The following SEC24A variants were observed in gnomAD, a reference collection of about 807,000 sequenced individuals.
SEC24A encodes protein transport protein Sec24A.
SEC24A carries 93 observed loss-of-function variants against 129.4 expected under a neutral mutation model. That is an observed-to-expected ratio of 0.72 (90% CI 0.61 to 0.85). The LOEUF (loss-of-function observed/expected upper bound fraction) is 0.85, where lower values mean the gene tolerates loss of function less well. Ranked by LOEUF, SEC24A falls within the 40% of genes least tolerant of loss-of-function variation. SEC24A has a pLI of 0.00. For missense variants in SEC24A, 1,264 were observed against 1,307.4 expected (o/e 0.97, Z 0.51); for synonymous variants, 460 against 467.3 (o/e 0.98, Z 0.20).
chr5:134,657,681 A>T (rs546543280), intron 1 of SEC24A, among the ~76,000 whole-genome samples: 66 of 152,130 alleles, frequency 4.3e-4, no homozygotes, highest in Admixed American at 1.1e-3. Context: ...GGTTCAAGTG[A>T]TCCTCCCGCC....
At chr5:134,662,345 G>A (rs990770730) in intron 2 of SEC24A, among the ~76,000 whole-genome samples, 97 of 151,950 alleles carry the variant, frequency 6.4e-4, no homozygotes, top group African/African-American at 2.2e-3. Context: ...TAGTAGAGAC[G>A]GGGTTTCACC....
intron 8 of SEC24A, among the ~76,000 whole-genome samples, chr5:134,680,685 C>G (rs1339053274): frequency 6.6e-6 from 1 of 151,850 alleles, no homozygotes; most frequent in Non-Finnish European, 1.5e-5. Context: ...GCTCTGTCGC[C>G]AGGCTGGAGT....
In SEC24A at chr5:134,649,143, G is replaced by T. The variant is rs369424682; in HGVS notation, c.67G>T (p.Ala23Ser). 6.2e-7 allele frequency: 1 copy of T among 1,609,466 alleles called. No individual in the cohort carries two copies. The highest frequency in any genetic ancestry group is 8.5e-7 in the Non-Finnish European group (1 of 1,178,132). Residue 23 changes from alanine (A) to serine (S), a missense_variant, in exon 1 of 23, where the codon GCC becomes TCC. By Grantham distance (99) the Ala-to-Ser change is moderately conservative (BLOSUM62 1). Transcript: ENST00000398844. The part of the protein sequence containing the change: ...PASLQAQNGA[A>S]LASGSPYTNG... ...CAGCCTCCAGGCCCAGAACGGAGCC[G>T]CCTTGGCCTCGGGGTCTCCCTACAC...
intron 11 of SEC24A, among the ~76,000 whole-genome samples, chr5:134,690,565 T>G (rs1180954339): frequency 6.6e-6 from 1 of 152,216 alleles, no homozygotes; most frequent in Non-Finnish European, 1.5e-5. Flanking sequence ...TCCTTTCGCC[T>G]CATCCTCCCA....
chr5:134,698,243 G>A (rs1751889127), intron 15 of SEC24A, among the ~76,000 whole-genome samples, 186 bp downstream of exon 15: 1 of 152,104 alleles, frequency 6.6e-6, no homozygotes, highest in African/African-American at 2.4e-5. Context: ...ATACTCAAAA[G>A]CACTGACTTA....
intron 20 of SEC24A, among the ~76,000 whole-genome samples, chr5:134,719,801 C>A (rs991396651): frequency 6.6e-6 from 1 of 152,118 alleles, no homozygotes; most frequent in Non-Finnish European, 1.5e-5. Flanking sequence ...GCCTGACCAA[C>A]GTGGAGAAAC....
intron 13 of SEC24A, among the ~76,000 whole-genome samples, chr5:134,694,384 G>A (rs1261596397): frequency 6.6e-6 from 1 of 152,146 alleles, no homozygotes; most frequent in Non-Finnish European, 1.5e-5. Flanking sequence ...AATTGGCTGG[G>A]CGCGGTGGCT....
At chr5:134,680,365 C>A (rs1156642235) in intron 8 of SEC24A, among the ~76,000 whole-genome samples, 1 of 152,174 alleles carries the variant, frequency 6.6e-6, no homozygotes, top group Non-Finnish European at 1.5e-5. Flanking sequence ...TGGAGTCTCA[C>A]TCTGTTGCCC....
chr5:134,707,006 A>T (rs1407202032), intron 17 of SEC24A, among the ~76,000 whole-genome samples: 1 of 151,780 alleles, frequency 6.6e-6, no homozygotes, highest in African/African-American at 2.4e-5. Context: ...AGCTAACTTT[A>T]AAAAAAATTT....
At chr5:134,649,343 C>A in intron 1 of SEC24A, 170 bp downstream of exon 1, 1 of 484,944 alleles carries the variant, frequency 2.1e-6, no homozygotes, top group South Asian at 3.0e-5. Context: ...CACCTGTAGC[C>A]CCAGGCTCGT....
chr5:134,677,142 G>A (rs1751093086), intron 7 of SEC24A, among the ~76,000 whole-genome samples: 1 of 152,050 alleles, frequency 6.6e-6, no homozygotes, highest in Non-Finnish European at 1.5e-5. Context: ...CACTTTTGGA[G>A]GCCAAGGTGG....
intron 18 of SEC24A, among the ~76,000 whole-genome samples, chr5:134,713,088 T>A (rs1752378327): frequency 6.6e-6 from 1 of 150,954 alleles, no homozygotes; most frequent in South Asian, 2.1e-4. Context: ...CCCACCACAA[T>A]GCCCGGCTAA....
rs1392456579 is a variant in SEC24A at position 134,692,615 on chromosome 5, T to G, written c.1737T>G (p.Pro579=). Reference sequence around the variant, plus strand: ...TTCTTCTTTCAGATGTTTTTATACCTATGCCAGAGAACTTATTAGTAAACT... The same window carrying G: ...TTCTTCTTTCAGATGTTTTTATACCGATGCCAGAGAACTTATTAGTAAACT... The part of the protein sequence containing the change: ...IVSDIEDVFI[P]MPENLLVNLN... The change falls in exon 12 of 23, where the codon CCT becomes CCG. Residue 579 remains proline (P), a synonymous_variant. Coordinates refer to ENST00000398844, the MANE Select transcript of SEC24A (RefSeq NM_021982.3). 1 of 1,390,890 alleles carries G rather than the reference T, an allele frequency of 7.2e-7. No homozygotes were observed. Among genetic ancestry groups the G allele is most frequent in the Non-Finnish European group, 1.0e-6 (1 of 984,010 alleles). The allele number at this position is 1,390,890 out of a possible 1,614,324, so 86.2% of individuals were successfully genotyped here.
chr5:134,687,502 G>A (rs1345216060), intron 10 of SEC24A, among the ~76,000 whole-genome samples: 1 of 152,182 alleles, frequency 6.6e-6, no homozygotes, highest in Non-Finnish European at 1.5e-5. Context: ...CAAAGCTAAT[G>A]TGACCTTTCT....
chr5:134,698,766 G>A (rs1042418309), intron 15 of SEC24A, among the ~76,000 whole-genome samples: 3 of 151,164 alleles, frequency 2.0e-5, no homozygotes, highest in African/African-American at 7.3e-5. Flanking sequence ...CCGAGTAGCT[G>A]GGATTATAGG....
At chr5:134,667,102 T>G (rs1397067096) in intron 3 of SEC24A, 106 bp downstream of exon 3, 1 of 1,067,952 alleles carries the variant, frequency 9.4e-7, no homozygotes, top group African/African-American at 1.7e-5. Flanking sequence ...TTCCAGAAAA[T>G]CTAGTTTTGG....
chr5:134,716,018 T>C (rs1032797958), intron 19 of SEC24A, among the ~76,000 whole-genome samples: 35 of 152,150 alleles, frequency 2.3e-4, no homozygotes, highest in Admixed American at 8.5e-4. Context: ...GTCCTTGAAT[T>C]AAAGAAAAAA....
chr5:134,708,567 G>GAAAA, intron 17 of SEC24A, 146 bp from the exon 18 acceptor site: 1 of 665,056 alleles, frequency 1.5e-6, no homozygotes, highest in African/African-American at 1.9e-5. Flanking sequence ...CATGCTTTTA[G>GAAAA]CTGCTGTGTT....
Position 134,656,402 on chromosome 5 carries a change from A to G in SEC24A, c.98-4717A>G, listed in dbSNP as rs530995219. On this transcript the variant is annotated intron_variant, in intron 1 of 22. Transcript: ENST00000398844. ...GCAGATAAATATCTTTATACTGGACATCTCCACTTAGATTTCTTGGTGGCA... is the reference window on the plus strand; with the variant it reads ...GCAGATAAATATCTTTATACTGGACGTCTCCACTTAGATTTCTTGGTGGCA... 6.6e-5 allele frequency among the ~76,000 whole-genome samples: 10 copies of G among 151,672 alleles called. No homozygotes were observed. In the South Asian group the frequency reaches 2.1e-3, roughly 32 times the overall value.
Sources: allele counts gnomAD v4.1 joint callset (sites outside exome capture counted in the v4.1 genomes callset), GRCh38; gene constraint gnomAD v4.1.1; transcripts MANE v1.5; gene names NCBI Gene and HGNC (gene_info 2026-07-23, HGNC 2026-07-21).